CHD9NB: variants seen among roughly 807,000 people sequenced by gnomAD.
The protein encoded by CHD9NB is CHD9 neighbor.
At chr16:53,052,046 G>T in the CHD9NB span, among the ~76,000 whole-genome samples, 10 of 151,516 alleles carry the variant, frequency 6.6e-5, no homozygotes, top group African/African-American at 2.2e-4. Flanking sequence ...TACTTTGTAG[G>T]ATTACTGTGA....
At chr16:53,039,563 G>C in the CHD9NB span, among the ~76,000 whole-genome samples, 1 of 152,220 alleles carries the variant, frequency 6.6e-6, no homozygotes, top group African/African-American at 2.4e-5. Flanking sequence ...TGGGCAACAA[G>C]GCAAAACCCC....
the CHD9NB span, among the ~76,000 whole-genome samples, chr16:53,037,878 T>A: frequency 6.6e-6 from 1 of 152,134 alleles, no homozygotes; most frequent in Non-Finnish European, 1.5e-5. Flanking sequence ...TTAGTCAGGG[T>A]CCTCCAGAGA....
At chr16:53,041,780 TA>T in the CHD9NB span, among the ~76,000 whole-genome samples, 5,132 of 144,208 alleles carry the variant, frequency 0.036, 310 homozygotes, top group East Asian at 0.22. Context: ...AGAGTTGTCT[TA>T]AAAAAAAAAA....
the CHD9NB span, among the ~76,000 whole-genome samples, chr16:53,048,760 C>T: frequency 6.6e-6 from 1 of 152,208 alleles, no homozygotes; most frequent in Non-Finnish European, 1.5e-5. Flanking sequence ...ACAGCTATGA[C>T]TATAGGTCAG....
chr16:53,049,477 A>T, the CHD9NB span, among the ~76,000 whole-genome samples: 1 of 152,190 alleles, frequency 6.6e-6, no homozygotes, highest in Admixed American at 6.5e-5. Context: ...CACCTGGAGG[A>T]TCTTACTCCT....
chr16:53,048,955 T>A, the CHD9NB span, among the ~76,000 whole-genome samples: 2 of 152,310 alleles, frequency 1.3e-5, no homozygotes, highest in East Asian at 3.9e-4. Context: ...CAGAGCAGGA[T>A]GGAGAGTGGA....
chr16:53,051,535 C>T, the CHD9NB span, among the ~76,000 whole-genome samples: 21 of 148,424 alleles, frequency 1.4e-4, no homozygotes, highest in African/African-American at 4.0e-4. Flanking sequence ...AACCAAACAC[C>T]GCATGTTCTC....
chr16:53,039,999 G>A, the CHD9NB span, among the ~76,000 whole-genome samples: 1 of 152,210 alleles, frequency 6.6e-6, no homozygotes, highest in Non-Finnish European at 1.5e-5. Context: ...TCTGCCGAAA[G>A]ACACCCCACT....
At chr16:53,049,379 T>G in the CHD9NB span, among the ~76,000 whole-genome samples, 1 of 151,574 alleles carries the variant, frequency 6.6e-6, no homozygotes, top group South Asian at 2.1e-4. Context: ...TCTCACTATG[T>G]TGCCTAGGCT....
the CHD9NB span, among the ~76,000 whole-genome samples, chr16:53,046,178 C>T: frequency 3.0e-3 from 454 of 152,122 alleles, 4 homozygotes; most frequent in Non-Finnish European, 5.5e-3. Context: ...TGAGGCAAAT[C>T]CTTATTTGGA....
the CHD9NB span, among the ~76,000 whole-genome samples, chr16:53,049,977 G>C: frequency 6.6e-6 from 1 of 152,180 alleles, no homozygotes; most frequent in Non-Finnish European, 1.5e-5. Flanking sequence ...GCCGAGGTGG[G>C]CGGATCACTT....
the CHD9NB span, chr16:53,043,680 C>T: frequency 6.4e-5 from 13 of 202,648 alleles, no homozygotes; most frequent in African/African-American, 2.3e-4. Context: ...GCTTGGCAGC[C>T]GATATTCACT....
At chr16:53,046,394 G>A in the CHD9NB span, among the ~76,000 whole-genome samples, 8 of 151,900 alleles carry the variant, frequency 5.3e-5, no homozygotes, top group African/African-American at 1.5e-4. Flanking sequence ...AACTTGGCTT[G>A]CAGCTGGGCA....
chr16:53,038,297 A>G, the CHD9NB span, among the ~76,000 whole-genome samples: 1 of 152,190 alleles, frequency 6.6e-6, no homozygotes, highest in African/African-American at 2.4e-5. Context: ...ATAATGTTTT[A>G]CCAGCTATCT....
the CHD9NB span, among the ~76,000 whole-genome samples, chr16:53,040,768 G>T: frequency 6.6e-6 from 1 of 152,060 alleles, no homozygotes; most frequent in Non-Finnish European, 1.5e-5. Flanking sequence ...TGAATCAATT[G>T]GTTAAAAGCA....
chr16:53,036,069 G>T, the CHD9NB span: 1 of 152,082 alleles, frequency 6.6e-6, no homozygotes, highest in Non-Finnish European at 1.5e-5. Flanking sequence ...TCCAAATTAG[G>T]TCACATTCAA....
chr16:53,051,810 T>TATATATATAA, the CHD9NB span, among the ~76,000 whole-genome samples: 2 of 136,166 alleles, frequency 1.5e-5, no homozygotes, highest in South Asian at 2.3e-4. Flanking sequence ...TATATATATA[T>TATATATATAA]AATGAGTACC....
At chr16:53,045,481 C>T in the CHD9NB span, among the ~76,000 whole-genome samples, 1 of 152,152 alleles carries the variant, frequency 6.6e-6, no homozygotes, top group African/African-American at 2.4e-5. Flanking sequence ...CTATAGTTGA[C>T]CCTATGTTAT....
At chr16:53,038,594 G>A in the CHD9NB span, among the ~76,000 whole-genome samples, 6 of 152,086 alleles carry the variant, frequency 3.9e-5, no homozygotes, top group African/African-American at 7.2e-5. Flanking sequence ...CAAGTGATCC[G>A]CCCACCTCGG....
Sources: gnomAD v4.1 joint callset for allele counts (sites outside exome capture counted in the v4.1 genomes callset) on GRCh38, gnomAD v4.1.1 for gene constraint, MANE v1.5 for transcripts, NCBI Gene and HGNC (gene_info 2026-07-23, HGNC 2026-07-21) for gene names.